Variants in VWA8 observed in about 807,000 individuals in gnomAD.
VWA8 encodes the protein von Willebrand factor A domain-containing protein 8.
In VWA8, 221 loss-of-function variants were observed where a neutral mutation model predicts 241.5. The observed-to-expected ratio is 0.91, with a 90% confidence interval of 0.82 to 1.02. The LOEUF (loss-of-function observed/expected upper bound fraction) is 1.02. Among genes scored for constraint, VWA8 ranks in the 50% least tolerant of loss-of-function variants. VWA8 has a pLI of 0.00. For synonymous variants in VWA8, 852 were observed against 827.1 expected (o/e 1.03, Z -0.52); for missense variants, 2,322 against 2,328.7 (o/e 1.00, Z 0.06).
intron 21 of VWA8, among the ~76,000 whole-genome samples, chr13:41,759,692 A>C (rs1465664374): frequency 2.0e-5 from 3 of 151,432 alleles, no homozygotes; most frequent in African/African-American, 7.3e-5. Context: ...TGCTAATTCC[A>C]TTATCCTGTC....
At chr13:41,668,443 A>C (rs1262248491) in intron 37 of VWA8, among the ~76,000 whole-genome samples, 1 of 152,168 alleles carries the variant, frequency 6.6e-6, no homozygotes, top group Non-Finnish European at 1.5e-5. Context: ...CTCTTTTTTC[A>C]ATACTTCTAT....
chr13:41,587,728 T>A, intron 41 of VWA8, 58 bp from the exon 42 acceptor site: 1 of 1,597,320 alleles, frequency 6.3e-7, no homozygotes, highest in Non-Finnish European at 8.5e-7. Flanking sequence ...CCCTGGTGGC[T>A]GTCTTGGGGA....
At chr13:41,812,079 C>T (rs1870496858) in intron 16 of VWA8, among the ~76,000 whole-genome samples, 1 of 152,092 alleles carries the variant, frequency 6.6e-6, no homozygotes. Context: ...TTCCAAGGCT[C>T]AGTTCCCTCA....
chr13:41,574,419 T>C (rs2139634731), intron 43 of VWA8, among the ~76,000 whole-genome samples: 1 of 147,052 alleles, frequency 6.8e-6, no homozygotes, highest in East Asian at 2.0e-4. Context: ...AAAGAAATCA[T>C]AGATGACACA....
At chr13:41,764,340 G>A (rs536986186) in intron 20 of VWA8, among the ~76,000 whole-genome samples, 8 of 150,422 alleles carry the variant, frequency 5.3e-5, no homozygotes, top group Non-Finnish European at 1.0e-4. Flanking sequence ...CCCTCCCTTC[G>A]TTTCTCCCTC....
At chr13:41,704,347 T>A (rs1432719248) in intron 26 of VWA8, among the ~76,000 whole-genome samples, 1 of 152,198 alleles carries the variant, frequency 6.6e-6, no homozygotes, top group Non-Finnish European at 1.5e-5. Flanking sequence ...TCTGATGGAA[T>A]CATTCTGTAT....
chr13:41,708,660 T>G (rs2045297832), intron 26 of VWA8, among the ~76,000 whole-genome samples: 1 of 152,168 alleles, frequency 6.6e-6, no homozygotes, highest in South Asian at 2.1e-4. Context: ...AACTTAGACT[T>G]GTATACCTCT....
At chr13:41,956,632 T>G (rs1878363374) in intron 1 of VWA8, among the ~76,000 whole-genome samples, 1 of 152,238 alleles carries the variant, frequency 6.6e-6, no homozygotes, top group Admixed American at 6.5e-5. Flanking sequence ...ATTTCTCAGT[T>G]GAAGCCACAG....
intron 12 of VWA8, among the ~76,000 whole-genome samples, chr13:41,853,389 A>G (rs1872602692): frequency 6.6e-6 from 1 of 152,132 alleles, no homozygotes; most frequent in African/African-American, 2.4e-5. Flanking sequence ...TAATGGTTTC[A>G]CAAAACGAGT....
intron 42 of VWA8, among the ~76,000 whole-genome samples, chr13:41,580,328 C>T (rs552298177): frequency 1.6e-4 from 24 of 152,300 alleles, no homozygotes; most frequent in African/African-American, 5.3e-4. Context: ...GGTCCAATCT[C>T]CATGTAGCAA....
Position 41,783,879 on chromosome 13 carries a change from C to A in VWA8, c.2193G>T (p.Leu731=), listed in dbSNP as rs1869016430. The A allele has an allele frequency of 6.2e-7, 1 of 1,613,488 alleles. No homozygotes were observed. The highest frequency in any genetic ancestry group is 8.5e-7 in the Non-Finnish European group (1 of 1,179,770). ...DYKCEVTSGT[L]RIGAVSAPIY... The stretch of plus-strand genomic sequence containing the variant: ...TCGGTGCACTAACAGCACCAATCCT[C>A]AGAGTTCCAGATGTTACTTCACCTA... Residue 731 remains leucine (L), a synonymous_variant, in exon 19 of 45, where the codon CTG becomes CTT. Coordinates refer to ENST00000379310, the MANE Select transcript of VWA8 (RefSeq NM_015058.2).
chr13:41,723,862 T>C (rs560895725), intron 24 of VWA8, among the ~76,000 whole-genome samples: 9 of 152,288 alleles, frequency 5.9e-5, no homozygotes, highest in African/African-American at 9.6e-5. Flanking sequence ...AGGCATATAA[T>C]TGGTAGTCTA....
chr13:41,875,549 C>G (rs545058733), intron 9 of VWA8, among the ~76,000 whole-genome samples: 1 of 151,988 alleles, frequency 6.6e-6, no homozygotes, highest in East Asian at 1.9e-4. Flanking sequence ...ATGTAAGCCC[C>G]TTGATTTTTG....
chr13:41,767,834 T>C (rs2045789834), intron 20 of VWA8, among the ~76,000 whole-genome samples: 1 of 152,264 alleles, frequency 6.6e-6, no homozygotes, highest in Admixed American at 6.5e-5. Context: ...TTTTGGGTAG[T>C]GTGGTCAGCT....
At chr13:41,826,615 T>C (rs1593797477) in intron 14 of VWA8, among the ~76,000 whole-genome samples, 1 of 151,954 alleles carries the variant, frequency 6.6e-6, no homozygotes. Context: ...CACACCTATA[T>C]TGCCAGCACT....
chr13:41,732,292 A>AG, intron 21 of VWA8, 137 bp from the exon 22 acceptor site: 1 of 642,788 alleles, frequency 1.6e-6, no homozygotes, highest in East Asian at 2.9e-5. Flanking sequence ...CCAAAAAAAA[A>AG]CAGCAAGTGA....
chr13:41,757,964 T>C (rs1264410324), intron 21 of VWA8, among the ~76,000 whole-genome samples: 1 of 151,696 alleles, frequency 6.6e-6, no homozygotes, highest in African/African-American at 2.4e-5. Context: ...TCTCTAATAT[T>C]GGCAGAAATG....
intron 12 of VWA8, among the ~76,000 whole-genome samples, chr13:41,834,476 T>A (rs758434088): frequency 2.6e-5 from 4 of 152,234 alleles, no homozygotes; most frequent in Non-Finnish European, 5.9e-5. Flanking sequence ...ATAATGGCAA[T>A]GAATCTGTAT....
chr13:41,910,458 G>A (rs1219941968), intron 3 of VWA8, among the ~76,000 whole-genome samples: 1 of 151,826 alleles, frequency 6.6e-6, no homozygotes, highest in Non-Finnish European at 1.5e-5. Flanking sequence ...GGTGGCATGC[G>A]TCAGTAGTCC....
Sources: gnomAD v4.1 joint callset for allele counts (sites outside exome capture counted in the v4.1 genomes callset) on GRCh38, gnomAD v4.1.1 for gene constraint, MANE v1.5 for transcripts, NCBI Gene and HGNC (gene_info 2026-07-23, HGNC 2026-07-21) for gene names.